The following ACOXL variants were observed in gnomAD, a reference collection of about 807,000 sequenced individuals.
The protein encoded by ACOXL is acyl-CoA oxidase like.
In ACOXL, 70 loss-of-function variants were observed where a neutral mutation model predicts 71.9. The ratio of observed to expected loss-of-function variants is 0.97; its 90% CI spans 0.80 to 1.19. The LOEUF is 1.19. ACOXL is among the 50% of genes most tolerant of loss of function. The pLI is 0.00. For synonymous variants in ACOXL, 253 were observed against 281.6 expected (o/e 0.90, Z 1.02); for missense variants, 703 against 736.3 (o/e 0.95, Z 0.52).
intron 17 of ACOXL, among the ~76,000 whole-genome samples, chr2:111,112,681 C>T (rs1349076342): frequency 1.3e-5 from 2 of 152,212 alleles, no homozygotes; most frequent in Admixed American, 1.3e-4. Flanking sequence ...CCATTTTCAC[C>T]AGTCACGATT....
At chr2:110,884,312 C>G (rs893812677) in intron 10 of ACOXL, among the ~76,000 whole-genome samples, 1 of 152,180 alleles carries the variant, frequency 6.6e-6, no homozygotes, top group South Asian at 2.1e-4. Flanking sequence ...TCGTACTCCT[C>G]GTTAAAGAAT....
At chr2:110,955,634 C>G (rs186407648) in intron 12 of ACOXL, among the ~76,000 whole-genome samples, 1 of 152,234 alleles carries the variant, frequency 6.6e-6, no homozygotes, top group African/African-American at 2.4e-5. Context: ...CTGTCTGCCC[C>G]CAAAGGCTTC....
At chr2:110,749,780 GT>G (rs1456768837) in intron 1 of ACOXL, among the ~76,000 whole-genome samples, 1 of 152,152 alleles carries the variant, frequency 6.6e-6, no homozygotes, top group African/African-American at 2.4e-5. Flanking sequence ...TATTTCTTTA[GT>G]TTTCCCACTG....
chr2:110,790,220 G>A (rs1248958596), intron 3 of ACOXL, among the ~76,000 whole-genome samples: 2 of 152,206 alleles, frequency 1.3e-5, no homozygotes, highest in African/African-American at 2.4e-5. Context: ...AGTCTTCCAG[G>A]TAGTGGCTCC....
At chr2:110,878,590 C>T (rs1248649601) in intron 10 of ACOXL, among the ~76,000 whole-genome samples, 1 of 151,970 alleles carries the variant, frequency 6.6e-6, no homozygotes, top group Non-Finnish European at 1.5e-5. Flanking sequence ...TGGTGAAACC[C>T]TATCTCTACT....
chr2:110,855,323 G>A (rs1446953246), intron 10 of ACOXL, among the ~76,000 whole-genome samples: 1 of 152,192 alleles, frequency 6.6e-6, no homozygotes. Context: ...TAAAATGGGT[G>A]TTACTAATTT....
chr2:110,945,594 T>C (rs2061071848), intron 12 of ACOXL, among the ~76,000 whole-genome samples: 2 of 152,202 alleles, frequency 1.3e-5, no homozygotes, highest in African/African-American at 4.8e-5. Flanking sequence ...ATTTATCGAA[T>C]AGACAGTCTT....
intron 12 of ACOXL, among the ~76,000 whole-genome samples, chr2:110,955,776 T>C (rs1044399677): frequency 6.6e-6 from 1 of 151,960 alleles, no homozygotes; most frequent in Non-Finnish European, 1.5e-5. Context: ...CGTCCTCCCA[T>C]TCCCAGATTG....
At chr2:110,989,716 A>G (rs971039614) in intron 13 of ACOXL, among the ~76,000 whole-genome samples, 1 of 152,184 alleles carries the variant, frequency 6.6e-6, no homozygotes, top group Non-Finnish European at 1.5e-5. Context: ...AACAGGGTGA[A>G]CGTACTTAAT....
At chr2:110,841,342 A>T in intron 9 of ACOXL, 29 bp from the exon 10 acceptor site, 1 of 1,568,724 alleles carries the variant, frequency 6.4e-7, no homozygotes, top group East Asian at 2.2e-5. Flanking sequence ...GATATTACTT[A>T]ATTTGTTTTT....
chr2:110,996,858 G>A (rs1042786322), intron 14 of ACOXL, among the ~76,000 whole-genome samples: 1 of 152,170 alleles, frequency 6.6e-6, no homozygotes, highest in Non-Finnish European at 1.5e-5. Flanking sequence ...AAACAGAAGT[G>A]CCCTGGAAGC....
intron 14 of ACOXL, among the ~76,000 whole-genome samples, chr2:111,016,092 C>T (rs2064419199): frequency 7.7e-6 from 1 of 129,534 alleles, no homozygotes; most frequent in Non-Finnish European, 1.6e-5. Flanking sequence ...CCCACCACGC[C>T]TGGCTAATTT....
rs186134456 is a variant in ACOXL, at chr2:110,781,596, C to T, written c.76-3136C>T. Among the ~76,000 whole-genome samples the T allele has an allele frequency of 1.5e-3, 227 of 151,802 alleles. 1 individual carries two copies. The highest frequency in any genetic ancestry group is 0.014 in the Admixed American group (208 of 15,242). On this transcript the variant is annotated intron_variant, in intron 2 of 17. Coordinates refer to ENST00000439055, the MANE Select transcript of ACOXL (RefSeq NM_001142807.4). ...GGTGGAGGTTGCAGTGAGCCGAGAT[C>T]GCACCATGCACTCCAGCCTGGGTGA...
Position 110,987,203 on chromosome 2 carries a change from C to T in ACOXL, c.1155C>T (p.Asp385=). ...AAAACTGGGCTGAATCTGTGGGGGA[C>T]AAGCTGAGAACCAGGTACGTATTAC... is the stretch of plus-strand genomic sequence containing the variant. The part of the protein sequence containing the change: ...LLQNWAESVG[D]KLRTSFLAFN... Residue 385 remains aspartate, a synonymous_variant, in exon 13 of 18, where the codon GAC becomes GAT. Coordinates refer to ENST00000439055, the MANE Select transcript of ACOXL (RefSeq NM_001142807.4). The T allele has an allele frequency of 6.4e-7, 1 of 1,573,326 alleles. No individual in the cohort carries two copies.
intron 2 of ACOXL, among the ~76,000 whole-genome samples, chr2:110,779,585 C>A (rs1361158209): frequency 1.3e-5 from 2 of 152,186 alleles, no homozygotes; most frequent in Non-Finnish European, 2.9e-5. Context: ...TATTATAAAG[C>A]TGCTCAAGGT....
At chr2:110,882,788 T>C (rs1696818435) in intron 10 of ACOXL, among the ~76,000 whole-genome samples, 1 of 152,222 alleles carries the variant, frequency 6.6e-6, no homozygotes, top group Admixed American at 6.5e-5. Flanking sequence ...TCAGGCCTTT[T>C]ATTGATCATT....
At chr2:111,106,621 C>T (rs2069556647) in intron 17 of ACOXL, among the ~76,000 whole-genome samples, 1 of 152,276 alleles carries the variant, frequency 6.6e-6, no homozygotes, top group Admixed American at 6.5e-5. Flanking sequence ...AACATCTTGG[C>T]TATTAAATTA....
chr2:111,035,080 G>A (rs769763862), intron 15 of ACOXL, among the ~76,000 whole-genome samples: 41 of 151,962 alleles, frequency 2.7e-4, no homozygotes, highest in Admixed American at 5.9e-4. Flanking sequence ...GTTTGCCAGG[G>A]TGGTCTCAAT....
At chr2:110,734,883 C>A (rs1322238941) in intron 1 of ACOXL, among the ~76,000 whole-genome samples, 2 of 9,322 alleles carry the variant, frequency 2.1e-4, no homozygotes, top group African/African-American at 9.8e-4. Flanking sequence ...TTTTTTTTTC[C>A]CCCTTATTGA....
Sources: allele counts gnomAD v4.1 joint callset (sites outside exome capture counted in the v4.1 genomes callset), GRCh38; gene constraint gnomAD v4.1.1; transcripts MANE v1.5; gene names NCBI Gene and HGNC (gene_info 2026-07-23, HGNC 2026-07-21).